The following ATP8A2 variants were observed in gnomAD, a reference collection of about 807,000 sequenced individuals.
ATP8A2 encodes the protein phospholipid-transporting ATPase IB.
A neutral mutation model predicts 165.6 loss-of-function variants in ATP8A2; 100 were observed. The observed-to-expected ratio is 0.60, with a 90% CI of 0.51 to 0.71. ATP8A2 has a LOEUF of 0.71. Among genes scored for constraint, ATP8A2 ranks in the 30% least tolerant of loss-of-function variants. The probability of loss-of-function intolerance (pLI) is 0.00; values close to 1 mark genes in which losing one functional copy is unlikely to be tolerated. For synonymous variants in ATP8A2, 543 were observed against 548.8 expected, an observed-to-expected ratio of 0.99 and a Z score of 0.15; for missense variants, 1,227 against 1,479.5, an observed-to-expected ratio of 0.83 and a Z score of 2.80.
At chr13:25,804,826 A>C (rs183119464) in intron 27 of ATP8A2, among the ~76,000 whole-genome samples, 5 of 152,324 alleles carry the variant, frequency 3.3e-5, no homozygotes, top group Admixed American at 2.6e-4. Context: ...GTCTCTGCCC[A>C]AGGGGACTTC....
At chr13:25,457,545 A>G (rs551622918) in intron 1 of ATP8A2, among the ~76,000 whole-genome samples, 1 of 152,266 alleles carries the variant, frequency 6.6e-6, no homozygotes, top group East Asian at 1.9e-4. Flanking sequence ...TGCTCCTCAT[A>G]TGATTGTTAT....
At chr13:25,495,624 CTTTTTTTTTTTTTT>C (rs11369713) in intron 2 of ATP8A2, among the ~76,000 whole-genome samples, 1 of 88,244 alleles carries the variant, frequency 1.1e-5, no homozygotes, top group South Asian at 5.4e-4. Context: ...GCATGCCTTG[CTTTTTTTTTTTTTT>C]TTTTTTTTTT....
At chr13:25,681,899 G>T (rs1271419562) in intron 24 of ATP8A2, among the ~76,000 whole-genome samples, 1 of 151,204 alleles carries the variant, frequency 6.6e-6, no homozygotes, top group Non-Finnish European at 1.5e-5. Context: ...ACTTGGGACT[G>T]ACTGCCTTGG....
intron 24 of ATP8A2, among the ~76,000 whole-genome samples, chr13:25,651,240 C>T (rs886280466): frequency 1.3e-5 from 2 of 151,994 alleles, no homozygotes; most frequent in Non-Finnish European, 2.9e-5. Flanking sequence ...GTCAAGAGAT[C>T]GAGACCATCC....
intron 28 of ATP8A2, among the ~76,000 whole-genome samples, chr13:25,833,121 G>A (rs1255358453): frequency 5.3e-5 from 8 of 150,854 alleles, no homozygotes; most frequent in Non-Finnish European, 7.4e-5. Flanking sequence ...AAGGAAGTAC[G>A]AATTCTTTCA....
At chr13:25,738,904 T>C (rs1335551622) in intron 25 of ATP8A2, among the ~76,000 whole-genome samples, 1 of 151,188 alleles carries the variant, frequency 6.6e-6, no homozygotes, top group East Asian at 2.0e-4. Context: ...GGTCTAAAAA[T>C]AGTGTACATT....
intron 25 of ATP8A2, among the ~76,000 whole-genome samples, chr13:25,743,604 C>T (rs908579511): frequency 6.6e-6 from 1 of 152,164 alleles, no homozygotes; most frequent in Admixed American, 6.5e-5. Context: ...CCACATGTTT[C>T]ATTTGTAATG....
At chr13:25,595,790 T>C (rs953923754) in intron 24 of ATP8A2, among the ~76,000 whole-genome samples, 1 of 152,204 alleles carries the variant, frequency 6.6e-6, no homozygotes, top group African/African-American at 2.4e-5. Flanking sequence ...TGCTCCAGCA[T>C]GACACAGTGC....
rs143611176 is a variant in ATP8A2, at chr13:25,678,497, A to G, written c.2212-20676A>G. 3.6e-3 allele frequency among the ~76,000 whole-genome samples: 545 copies of G among 150,392 alleles called. 2 individuals are homozygous for G. Among genetic ancestry groups the G allele is most frequent in the African/African-American group, 0.012 (479 of 40,728 alleles). On this transcript the variant is annotated intron_variant, in intron 24 of 36. Transcript: ENST00000381655. The stretch of plus-strand genomic sequence containing the variant: ...ACTGGGGCAGCTCTAGCACTTTTCA[A>G]TAGTGCTGCCTGTGGCCCTGAGAGT...
At chr13:25,550,915 T>C (rs1304053437) in intron 10 of ATP8A2, among the ~76,000 whole-genome samples, 1 of 152,250 alleles carries the variant, frequency 6.6e-6, no homozygotes, top group Non-Finnish European at 1.5e-5. Flanking sequence ...GTGTATTTAT[T>C]GCAGAGCTGT....
At chr13:25,991,016 A>G (rs749991583) in intron 35 of ATP8A2, among the ~76,000 whole-genome samples, 16 of 152,068 alleles carry the variant, frequency 1.1e-4, no homozygotes, top group Non-Finnish European at 2.2e-4. Flanking sequence ...TGGTTTCCAT[A>G]TGTGCTGGGG....
rs183043246 is a variant in ATP8A2 at position 25,581,802 on chromosome 13, A to C, written c.2008-17A>C. 3.8e-4 allele frequency: 611 copies of C among 1,612,136 alleles called. 2 individuals carry two copies. In the African/African-American group the frequency reaches 7.3e-3, roughly 19 times the overall value. ...AGTATGTGCCAATCTTTAACTGAGG[A>C]TATTTTTTCAATGTAGAATTTGCTG... On this transcript the variant is annotated splice_polypyrimidine_tract_variant and intron_variant, in intron 22 of 36. Coordinates refer to ENST00000381655, the MANE Select transcript of ATP8A2 (RefSeq NM_016529.6).
At chr13:25,537,475 G>T (rs950867205) in intron 6 of ATP8A2, among the ~76,000 whole-genome samples, 1 of 152,152 alleles carries the variant, frequency 6.6e-6, no homozygotes, top group South Asian at 2.1e-4. Context: ...TAACTTAGTT[G>T]ATCCTTGTAG....
intron 24 of ATP8A2, among the ~76,000 whole-genome samples, chr13:25,696,516 G>T (rs910803622): frequency 9.2e-5 from 14 of 152,144 alleles, no homozygotes; most frequent in Admixed American, 9.2e-4. Context: ...AGACCTTCTG[G>T]CGAACTTGCT....
At chr13:25,731,317 G>A (rs1211352580) in intron 25 of ATP8A2, among the ~76,000 whole-genome samples, 95 of 147,022 alleles carry the variant, frequency 6.5e-4, no homozygotes, top group South Asian at 2.2e-3. Context: ...AAGACCGGAA[G>A]GAGAGAGAAA....
At chr13:25,652,544 T>G (rs2041837732) in intron 24 of ATP8A2, among the ~76,000 whole-genome samples, 1 of 152,236 alleles carries the variant, frequency 6.6e-6, no homozygotes, top group African/African-American at 2.4e-5. Flanking sequence ...AGGATATTTT[T>G]CATTTAAACA....
intron 2 of ATP8A2, among the ~76,000 whole-genome samples, chr13:25,529,473 CT>C (rs1273526261): frequency 6.6e-6 from 1 of 152,048 alleles, no homozygotes; most frequent in Non-Finnish European, 1.5e-5. Flanking sequence ...ACCAGACTTA[CT>C]GAAAGATGTA....
At chr13:25,797,627 G>T (rs989737247) in intron 27 of ATP8A2, among the ~76,000 whole-genome samples, 3 of 152,204 alleles carry the variant, frequency 2.0e-5, no homozygotes, top group African/African-American at 7.2e-5. Flanking sequence ...TGGAGAGGTT[G>T]TCTTACTACC....
At chr13:25,688,634 A>G (rs2042656904) in intron 24 of ATP8A2, among the ~76,000 whole-genome samples, 1 of 152,232 alleles carries the variant, frequency 6.6e-6, no homozygotes, top group Admixed American at 6.5e-5. Context: ...TTTTCCTGAT[A>G]TAGCAGAGGA....
Sources: gnomAD v4.1 joint callset for allele counts (sites outside exome capture counted in the v4.1 genomes callset) on GRCh38, gnomAD v4.1.1 for gene constraint, MANE v1.5 for transcripts, NCBI Gene and HGNC (gene_info 2026-07-23, HGNC 2026-07-21) for gene names.